Variants in TMTC2 observed in about 807,000 individuals in gnomAD.
The protein encoded by TMTC2 is protein O-mannosyl-transferase TMTC2.
In TMTC2, 43 loss-of-function variants were observed where a neutral mutation model predicts 82.4. The ratio of observed to expected loss-of-function variants is 0.52; its 90% confidence interval spans 0.41 to 0.67. The LOEUF is 0.67. TMTC2 is among the 30% of genes least tolerant of loss of function. The pLI, the probability that TMTC2 is intolerant of heterozygous loss-of-function variation, is 0.00. For missense variants in TMTC2, 919 were observed against 1,012.4 expected (o/e 0.91, Z 1.25); for synonymous variants, 408 against 381.9 (o/e 1.07, Z -0.80).
intron 1 of TMTC2, among the ~76,000 whole-genome samples, chr12:82,755,701 G>A (rs1277107320): frequency 6.6e-6 from 1 of 152,104 alleles, no homozygotes; most frequent in East Asian, 1.9e-4. Flanking sequence ...TCTGCTTTGT[G>A]TAAACCAGTT....
At chr12:82,757,288 A>C (rs2136974753) in intron 1 of TMTC2, among the ~76,000 whole-genome samples, 1 of 152,336 alleles carries the variant, frequency 6.6e-6, no homozygotes, top group South Asian at 2.1e-4. Context: ...TCTGGTTCTA[A>C]GTCAAGATAA....
intron 8 of TMTC2, among the ~76,000 whole-genome samples, chr12:83,019,151 A>G (rs931769579): frequency 2.7e-4 from 4 of 15,062 alleles, no homozygotes; most frequent in African/African-American, 3.8e-4. Context: ...CTAATTTTAA[A>G]CTAAACTAAA....
At position 82,948,465 on chromosome 12, in the gene TMTC2, A is replaced by T. The variant is rs537074992; in HGVS notation, c.1599-16559A>T. 2.0e-5 allele frequency among the ~76,000 whole-genome samples: 3 copies of T among 152,332 alleles called. No individual in the cohort carries two copies. The East Asian group carries it at 5.8e-4, about 29-fold the overall frequency. ...CAAGTGAATTGTTGCTAAGTTGAAA[A>T]ATCTATTCCAAGCAAAAAAATATAT... On this transcript the variant is annotated intron_variant, in intron 4 of 11. Coordinates refer to ENST00000321196, the MANE Select transcript of TMTC2 (RefSeq NM_152588.3).
chr12:82,905,721 G>C (rs1352031071), intron 3 of TMTC2, among the ~76,000 whole-genome samples: 1 of 152,098 alleles, frequency 6.6e-6, no homozygotes, highest in Non-Finnish European at 1.5e-5. Context: ...GAGGCGGGCG[G>C]ATCACCTGAG....
At chr12:83,026,175 C>T (rs1214032892) in intron 8 of TMTC2, among the ~76,000 whole-genome samples, 1 of 152,022 alleles carries the variant, frequency 6.6e-6, no homozygotes, top group African/African-American at 2.4e-5. Context: ...AGATTTGCCT[C>T]ATAAGAACAA....
intron 1 of TMTC2, among the ~76,000 whole-genome samples, chr12:82,849,033 C>T (rs890634056): frequency 6.6e-6 from 1 of 151,984 alleles, no homozygotes; most frequent in African/African-American, 2.4e-5. Flanking sequence ...GGAGATTGGC[C>T]TTGAGGTCAT....
chr12:82,896,486 C>T lies in TMTC2; in HGVS notation c.1323C>T (p.Ala441=). Residue 441 remains alanine, a synonymous_variant, in exon 3 of 12, where the codon GCC becomes GCT. Transcript: ENST00000321196. The stretch of plus-strand genomic sequence containing the variant: ...TACTGATTACAGTGGGTGCTAGAGC[C>T]CTTTATGTCAAAGTCCAAAAGCGGT... ...FCLLITVGAR[A]LYVKVQKRFL... is the part of the protein sequence containing the mutation. 2 of 1,614,054 alleles carry T rather than the reference C, an allele frequency of 1.2e-6. No individual in the cohort carries two copies. The highest frequency in any genetic ancestry group is 1.7e-6 in the Non-Finnish European group (2 of 1,180,020).
At chr12:82,910,922 C>A (rs2137208843) in intron 3 of TMTC2, among the ~76,000 whole-genome samples, 1 of 151,772 alleles carries the variant, frequency 6.6e-6, no homozygotes, top group South Asian at 2.1e-4. Flanking sequence ...GCTCTGTCGC[C>A]CAGGCTGGAG....
intron 2 of TMTC2, among the ~76,000 whole-genome samples, chr12:82,865,993 C>T (rs1871829760): frequency 6.6e-6 from 1 of 152,124 alleles, no homozygotes; most frequent in African/African-American, 2.4e-5. Flanking sequence ...ACCAGAATCT[C>T]TGGGACACAT....
At chr12:82,705,725 G>GCC (rs1873323450) in intron 1 of TMTC2, among the ~76,000 whole-genome samples, 1 of 152,138 alleles carries the variant, frequency 6.6e-6, no homozygotes, top group Non-Finnish European at 1.5e-5. Context: ...TTCAGCTCAT[G>GCC]CCATCCCCTC....
chr12:82,752,090 A>T (rs1876036127), intron 1 of TMTC2, among the ~76,000 whole-genome samples: 1 of 151,808 alleles, frequency 6.6e-6, no homozygotes, highest in Non-Finnish European at 1.5e-5. Flanking sequence ...TTAAATAGAT[A>T]CATTATCCCT....
chr12:82,743,999 C>A (rs1592894156), intron 1 of TMTC2, among the ~76,000 whole-genome samples: 2 of 152,186 alleles, frequency 1.3e-5, no homozygotes, highest in Admixed American at 1.3e-4. Flanking sequence ...GGGTGCTGGG[C>A]ATGGTTGCTC....
intron 10 of TMTC2, among the ~76,000 whole-genome samples, chr12:83,059,861 T>A (rs1421918675): frequency 6.6e-6 from 1 of 151,776 alleles, no homozygotes; most frequent in Non-Finnish European, 1.5e-5. Flanking sequence ...TGGGCATCTA[T>A]CTATTGGTTG....
At chr12:83,113,452 A>G (rs1216448336) in intron 11 of TMTC2, among the ~76,000 whole-genome samples, 1 of 152,204 alleles carries the variant, frequency 6.6e-6, no homozygotes, top group Non-Finnish European at 1.5e-5. Flanking sequence ...TAAAGGCAAA[A>G]TGTGCAGTAG....
At chr12:82,836,983 C>T (rs1001843524) in intron 1 of TMTC2, among the ~76,000 whole-genome samples, 4 of 152,138 alleles carry the variant, frequency 2.6e-5, no homozygotes, top group Non-Finnish European at 5.9e-5. Flanking sequence ...TTTTCATCCT[C>T]GAATTCATTT....
chr12:82,753,138 T>C (rs1167794755), intron 1 of TMTC2, among the ~76,000 whole-genome samples: 2 of 152,140 alleles, frequency 1.3e-5, no homozygotes, highest in African/African-American at 4.8e-5. Flanking sequence ...ATACCAGATA[T>C]ATGAGGCGGT....
At chr12:83,115,370 G>T (rs1467398836) in intron 11 of TMTC2, among the ~76,000 whole-genome samples, 1 of 152,152 alleles carries the variant, frequency 6.6e-6, no homozygotes, top group Non-Finnish European at 1.5e-5. Flanking sequence ...AGATTAGTAA[G>T]GGCAGCCAGC....
Position 83,054,410 on chromosome 12 carries a change from G to T in TMTC2, c.2267+3392G>T, listed in dbSNP as rs575050304. On this transcript the variant is annotated intron_variant, in intron 10 of 11. Transcript: ENST00000321196. ...TAATGAGCTAATAATTTAACTAGAA[G>T]CTATAAATATTTCCCCAGAAATTGA... Among the ~76,000 whole-genome samples, 31 of 152,012 alleles carry T rather than the reference G, an allele frequency of 2.0e-4. No individual in the cohort carries two copies. The South Asian group carries it at 6.0e-3, about 30-fold the overall frequency.
chr12:82,913,853 A>T (rs1038061514), intron 3 of TMTC2, among the ~76,000 whole-genome samples: 1 of 152,222 alleles, frequency 6.6e-6, no homozygotes, highest in East Asian at 1.9e-4. Context: ...CTTAAAAACA[A>T]ATCCCTGCAT....
Sources: allele counts gnomAD v4.1 joint callset (sites outside exome capture counted in the v4.1 genomes callset), GRCh38; gene constraint gnomAD v4.1.1; transcripts MANE v1.5; gene names NCBI Gene and HGNC (gene_info 2026-07-23, HGNC 2026-07-21).